Variants in CDH7 observed in about 807,000 individuals in gnomAD.
CDH7 encodes the protein cadherin-7.
Under a neutral mutation model 71.8 loss-of-function variants are expected in CDH7, and 25 were observed. That is an observed-to-expected ratio of 0.35 (90% CI 0.25 to 0.49). The LOEUF (loss-of-function observed/expected upper bound fraction) is 0.49, where lower values mean the gene tolerates loss of function less well. CDH7 is among the 20% of genes least tolerant of loss of function. The pLI is 0.99. For synonymous variants in CDH7, 381 were observed against 363.8 expected (o/e 1.05, Z -0.54); for missense variants, 862 against 974.6 (o/e 0.88, Z 1.54).
At chr18:65,775,377 CTAAA>C (rs1399074963) in intron 2 of CDH7, among the ~76,000 whole-genome samples, 2 of 152,236 alleles carry the variant, frequency 1.3e-5, no homozygotes, top group South Asian at 2.1e-4. Context: ...GTTATCAAGA[CTAAA>C]TAAGTTAATA....
At chr18:65,780,177 T>G (rs1910126473) in intron 2 of CDH7, among the ~76,000 whole-genome samples, 1 of 113,334 alleles carries the variant, frequency 8.8e-6, no homozygotes, top group Admixed American at 8.3e-5. Flanking sequence ...TAAATTTGTT[T>G]GAGTTCATTG....
chr18:65,869,142 C>T (rs1247187738), intron 11 of CDH7, among the ~76,000 whole-genome samples: 3 of 152,098 alleles, frequency 2.0e-5, no homozygotes, highest in African/African-American at 7.2e-5. Context: ...AATTAGTCCG[C>T]ACATACTGTT....
chr18:65,878,941 A>G (rs1914143627), intron 11 of CDH7, among the ~76,000 whole-genome samples: 1 of 152,182 alleles, frequency 6.6e-6, no homozygotes, highest in Admixed American at 6.5e-5. Flanking sequence ...AAGTGCCACA[A>G]AAAAACAATT....
At chr18:65,857,552 C>T (rs572782615) in intron 7 of CDH7, among the ~76,000 whole-genome samples, 1 of 151,886 alleles carries the variant, frequency 6.6e-6, no homozygotes, top group East Asian at 1.9e-4. Context: ...GTTCTAATGA[C>T]ATATTCAAAG....
At chr18:65,852,912 T>A (rs1305413270) in intron 7 of CDH7, among the ~76,000 whole-genome samples, 2 of 152,112 alleles carry the variant, frequency 1.3e-5, no homozygotes, top group Admixed American at 1.3e-4. Flanking sequence ...GGTAGGGTAA[T>A]TTGGGGAAAA....
intron 2 of CDH7, among the ~76,000 whole-genome samples, chr18:65,768,215 C>T (rs935323074): frequency 5.2e-5 from 6 of 114,408 alleles, no homozygotes; most frequent in African/African-American, 1.4e-4. Context: ...AGTCTATATG[C>T]GTTGTTGTTT....
intron 4 of CDH7, among the ~76,000 whole-genome samples, chr18:65,815,101 A>AT (rs142484634): frequency 4.7e-4 from 71 of 152,198 alleles, no homozygotes; most frequent in African/African-American, 1.6e-3. Context: ...AAATATATAT[A>AT]TTTTTTTAAT....
chr18:65,834,640 G>A (rs1912470279), intron 6 of CDH7, among the ~76,000 whole-genome samples: 1 of 152,192 alleles, frequency 6.6e-6, no homozygotes. Flanking sequence ...ATCAATAGAA[G>A]AGAGAATTGA....
At position 65,793,254 on chromosome 18, in the gene CDH7, G is replaced by A. The variant is rs565112463; in HGVS notation, c.211-16450G>A. ...CAAACGTTTGAGACCAGCCTGGGGC[G>A]AAACCCTGTCTCTACAAAAAATATA... On this transcript the variant is annotated intron_variant, in intron 2 of 11. Transcript: ENST00000397968. Among the ~76,000 whole-genome samples, 267 of 152,090 alleles carry A rather than the reference G, an allele frequency of 1.8e-3. 4 individuals are homozygous for A. Among genetic ancestry groups the A allele is most frequent in the African/African-American group, 6.3e-3 (260 of 41,504 alleles).
chr18:65,880,487 G>C lies in CDH7; in HGVS notation c.1951G>C (p.Val651Leu). The change falls in exon 12 of 12, where the codon GTG (valine) becomes CTG (leucine). Residue 651 changes from valine (V) to leucine (L), a missense_variant. Transcript: ENST00000397968. ...DEERDIRENI[V>L]RYDDEGGGEE... is the part of the protein sequence containing the mutation. ...AGAAAGAGACATCAGAGAAAATATT[G>C]TGAGATACGATGACGAGGGCGGGGG... 1 of 1,602,296 alleles carries C rather than the reference G, an allele frequency of 6.2e-7. No individual in the cohort carries two copies. The highest frequency in any genetic ancestry group is 8.5e-7 in the Non-Finnish European group (1 of 1,176,868).
intron 5 of CDH7, 106 bp downstream of exon 5, chr18:65,822,354 G>C: frequency 3.6e-6 from 3 of 826,632 alleles, no homozygotes; most frequent in Non-Finnish European, 5.6e-6. Flanking sequence ...GCAAATAATT[G>C]TCTTACTTCA....
chr18:65,806,218 A>C (rs539465869), intron 2 of CDH7, among the ~76,000 whole-genome samples: 2 of 152,050 alleles, frequency 1.3e-5, no homozygotes, highest in South Asian at 4.1e-4. Flanking sequence ...CCTCCTCCTC[A>C]GCTTATTTTT....
intron 2 of CDH7, among the ~76,000 whole-genome samples, chr18:65,805,583 T>C (rs906562282): frequency 1.3e-5 from 2 of 152,200 alleles, no homozygotes; most frequent in South Asian, 2.1e-4. Context: ...TCAAAAGAGT[T>C]GAATTCTCAG....
intron 2 of CDH7, among the ~76,000 whole-genome samples, chr18:65,773,885 A>T (rs180955053): frequency 1.8e-4 from 28 of 152,198 alleles, no homozygotes; most frequent in Middle Eastern, 3.4e-3. Context: ...AGGTGAAATT[A>T]CATTTGGCTA....
At chr18:65,787,987 A>C (rs1910574737) in intron 2 of CDH7, among the ~76,000 whole-genome samples, 1 of 152,202 alleles carries the variant, frequency 6.6e-6, no homozygotes, top group African/African-American at 2.4e-5. Context: ...TACTAAAATC[A>C]AGTGTTGAAA....
intron 5 of CDH7, 31 bp downstream of exon 5, chr18:65,822,279 A>G (rs1414228157): frequency 4.5e-6 from 7 of 1,567,192 alleles, no homozygotes; most frequent in Admixed American, 3.4e-5. Flanking sequence ...ACACAAGTGC[A>G]ATAACTTTCC....
At chr18:65,789,938 G>A (rs1910649971) in intron 2 of CDH7, among the ~76,000 whole-genome samples, 1 of 152,016 alleles carries the variant, frequency 6.6e-6, no homozygotes, top group African/African-American at 2.4e-5. Context: ...ATTTGAAGTT[G>A]CCTGAGGGAG....
At chr18:65,846,167 G>A (rs1912927815) in intron 7 of CDH7, among the ~76,000 whole-genome samples, 1 of 152,054 alleles carries the variant, frequency 6.6e-6, no homozygotes, top group African/African-American at 2.4e-5. Context: ...AATGGGAGGT[G>A]ACTTGAGAAA....
At chr18:65,802,749 T>C (rs528074609) in intron 2 of CDH7, among the ~76,000 whole-genome samples, 111 of 152,294 alleles carry the variant, frequency 7.3e-4, no homozygotes, top group African/African-American at 2.5e-3. Flanking sequence ...TTAAGTTGTG[T>C]GAGAGTTGTG....
Sources: allele counts gnomAD v4.1 joint callset (sites outside exome capture counted in the v4.1 genomes callset), GRCh38; gene constraint gnomAD v4.1.1; transcripts MANE v1.5; gene names NCBI Gene and HGNC (gene_info 2026-07-23, HGNC 2026-07-21).